C9orf85: variants seen among roughly 807,000 people sequenced by gnomAD.
The protein encoded by C9orf85 is uncharacterized protein C9orf85.
C9orf85 carries 16 observed loss-of-function variants against 14.9 expected under a neutral mutation model. That is an observed-to-expected ratio of 1.08 (90% CI 0.73 to 1.63). The LOEUF (loss-of-function observed/expected upper bound fraction) is 1.63. Among genes scored for constraint, C9orf85 ranks in the 40% most tolerant of loss-of-function variants. The probability of loss-of-function intolerance (pLI) is 0.00; values close to 1 mark genes in which losing one functional copy is unlikely to be tolerated. For synonymous variants in C9orf85, 45 were observed against 56.8 expected (o/e 0.79, Z 0.93); for missense variants, 172 against 186.1 (o/e 0.92, Z 0.44).
Position 71,971,485 on chromosome 9 carries a change from C to G in C9orf85, c.210-20C>G. The G allele has an allele frequency of 7.4e-7, 1 of 1,343,566 alleles. No homozygotes were observed. The highest frequency in any genetic ancestry group is 1.0e-6 in the Non-Finnish European group (1 of 960,974). The allele number at this position is 1,343,566 out of a possible 1,614,324, so 83.2% of individuals were successfully genotyped here. A position where few individuals can be genotyped will look rare whatever the true frequency, so the allele number is the denominator to read the frequency against. ...TCTGAAATAAACATAAATAAGTTAA[C>G]ATTTTATTTTTTATTTTAGTGTTAA... On this transcript the variant is annotated intron_variant, in intron 2 of 3. Transcript: ENST00000334731.
chr9:71,947,166 T>C (rs1159371937), intron 2 of C9orf85, 54 bp downstream of exon 2: 1 of 1,197,630 alleles, frequency 8.3e-7, no homozygotes, highest in Non-Finnish European at 1.2e-6. Context: ...CATAGTTTAT[T>C]ATTTCATTTC....
At chr9:71,929,991 G>A (rs890741373) in intron 1 of C9orf85, among the ~76,000 whole-genome samples, 4 of 150,616 alleles carry the variant, frequency 2.7e-5, no homozygotes, top group African/African-American at 4.9e-5. Context: ...ATACCTACTC[G>A]TAGCCACAAG....
intron 2 of C9orf85, among the ~76,000 whole-genome samples, chr9:71,964,986 G>A (rs367639688): frequency 3.3e-5 from 5 of 152,290 alleles, no homozygotes; most frequent in African/African-American, 7.2e-5. Context: ...GGAGCACAGC[G>A]GACACCCTAC....
intron 1 of C9orf85, among the ~76,000 whole-genome samples, chr9:71,935,047 A>T (rs1006107771): frequency 3.9e-5 from 6 of 152,196 alleles, no homozygotes; most frequent in African/African-American, 1.4e-4. Context: ...ACTACAGATG[A>T]AAACTACAAG....
At chr9:71,971,273 T>C (rs1203239814) in intron 2 of C9orf85, among the ~76,000 whole-genome samples, 1 of 152,228 alleles carries the variant, frequency 6.6e-6, no homozygotes, top group Non-Finnish European at 1.5e-5. Context: ...TTAATGACAC[T>C]TTAAAAAATT....
At chr9:71,970,828 T>TA (rs1194461091) in intron 2 of C9orf85, among the ~76,000 whole-genome samples, 1 of 34,660 alleles carries the variant, frequency 2.9e-5, no homozygotes, top group Non-Finnish European at 7.6e-5. Flanking sequence ...CAATATTAAG[T>TA]CTTTTTTTTT....
chr9:71,958,217 AAT>A (rs957141772), intron 2 of C9orf85, among the ~76,000 whole-genome samples: 12 of 144,512 alleles, frequency 8.3e-5, no homozygotes, highest in Non-Finnish European at 1.5e-4. Flanking sequence ...AGGTAATTAA[AAT>A]ATATATATAT....
At chr9:71,922,685 T>G (rs1827842703) in intron 1 of C9orf85, among the ~76,000 whole-genome samples, 1 of 152,208 alleles carries the variant, frequency 6.6e-6, no homozygotes, top group African/African-American at 2.4e-5. Context: ...CTTGCTACCT[T>G]TCCACAGTTC....
intron 1 of C9orf85, among the ~76,000 whole-genome samples, chr9:71,928,040 A>C (rs1425264177): frequency 6.6e-6 from 1 of 152,138 alleles, no homozygotes; most frequent in Non-Finnish European, 1.5e-5. Context: ...TACAAAAATT[A>C]GTAGAGCATG....
At chr9:71,943,054 C>A (rs7874511) in intron 1 of C9orf85, among the ~76,000 whole-genome samples, 147,369 of 152,268 alleles carry the variant, frequency 0.97, 71,501 homozygotes, top group East Asian at 1. Context: ...TTCAAAGTAC[C>A]TACTTTTAAA....
chr9:71,915,179 TA>T (rs1267389804), intron 1 of C9orf85, among the ~76,000 whole-genome samples: 5 of 14,188 alleles, frequency 3.5e-4, no homozygotes, highest in African/African-American at 4.2e-4. Context: ...AAATTATTAT[TA>T]TTATTTTTTT....
At chr9:71,948,806 G>C (rs1049538838) in intron 2 of C9orf85, among the ~76,000 whole-genome samples, 3 of 136,512 alleles carry the variant, frequency 2.2e-5, no homozygotes, top group Non-Finnish European at 4.6e-5. Flanking sequence ...TTACAGGCGT[G>C]AGCCACGCCC....
Position 71,971,787 on chromosome 9 carries a change from G to C in C9orf85, c.323+169G>C, listed in dbSNP as rs573125425. On this transcript the variant is annotated intron_variant, in intron 3 of 3. Transcript: ENST00000334731. Reference sequence around the variant, plus strand: ...AGGAGTTCAAGACCAGACTGGCCAAGATGGTGAAACCTCATCTCTACTAAA... The same window carrying C: ...AGGAGTTCAAGACCAGACTGGCCAACATGGTGAAACCTCATCTCTACTAAA... 6.6e-5 allele frequency among the ~76,000 whole-genome samples: 10 copies of C among 152,072 alleles called. No homozygotes were observed. In the South Asian group the frequency reaches 2.1e-3, roughly 32 times the overall value.
At chr9:71,941,052 G>C (rs1242156007) in intron 1 of C9orf85, among the ~76,000 whole-genome samples, 1 of 152,206 alleles carries the variant, frequency 6.6e-6, no homozygotes, top group Non-Finnish European at 1.5e-5. Flanking sequence ...AGTATTGGAA[G>C]TTTGGTTGTC....
At chr9:71,937,294 A>G (rs1389126201) in intron 1 of C9orf85, among the ~76,000 whole-genome samples, 2 of 152,148 alleles carry the variant, frequency 1.3e-5, no homozygotes, top group African/African-American at 4.8e-5. Context: ...TTGTGTATGC[A>G]TTAGGTTTGT....
chr9:71,912,227 A>G lies in C9orf85; in HGVS notation c.102+391A>G, dbSNP rs148037657. On this transcript the variant is annotated intron_variant, in intron 1 of 3. Transcript: ENST00000334731. The stretch of plus-strand genomic sequence containing the variant: ...TATGCAGCTACGATTTTTTTTTCCA[A>G]AAACCCCAAGCCCATAGAGGAAATG... 7.4e-3 allele frequency among the ~76,000 whole-genome samples: 1,128 copies of G among 152,222 alleles called. 11 individuals are homozygous for G. The highest frequency in any genetic ancestry group is 0.012 in the Non-Finnish European group (822 of 68,010).
At chr9:71,967,713 C>CTTTTTTTTTTTTTTTTTTTTTTTT in intron 2 of C9orf85, among the ~76,000 whole-genome samples, 1 of 94,114 alleles carries the variant, frequency 1.1e-5, no homozygotes, top group Non-Finnish European at 2.0e-5. Flanking sequence ...TATGACCTTT[C>CTTTTTTTTTTTTTTTTTTTTTTTT]TTTTTTTTTT....
At chr9:71,982,057 C>G (rs1823106579) in intron 3 of C9orf85, among the ~76,000 whole-genome samples, 1 of 152,130 alleles carries the variant, frequency 6.6e-6, no homozygotes, top group African/African-American at 2.4e-5. Context: ...AGCCACTCCC[C>G]ATTCCCACTC....
chr9:71,931,638 G>T (rs1027220045), intron 1 of C9orf85, among the ~76,000 whole-genome samples: 1 of 152,108 alleles, frequency 6.6e-6, no homozygotes. Context: ...TATTAAACCT[G>T]CCTGGATTTG....
Sources: gnomAD v4.1 joint callset for allele counts (sites outside exome capture counted in the v4.1 genomes callset) on GRCh38, gnomAD v4.1.1 for gene constraint, MANE v1.5 for transcripts, NCBI Gene and HGNC (gene_info 2026-07-23, HGNC 2026-07-21) for gene names.